The following SERPINI1 variants were observed in gnomAD, a reference collection of about 807,000 sequenced individuals.
The protein encoded by SERPINI1 is serpin family I member 1.
In SERPINI1, 19 loss-of-function variants were observed where a neutral mutation model predicts 41.1. The ratio of observed to expected loss-of-function variants is 0.46; its 90% CI spans 0.32 to 0.68. The LOEUF is 0.68. Ranked by LOEUF, SERPINI1 falls within the 30% of genes least tolerant of loss-of-function variation. SERPINI1 has a pLI of 0.03. For missense variants in SERPINI1, 460 were observed against 479.2 expected, an observed-to-expected ratio of 0.96 and a Z score of 0.37; for synonymous variants, 138 against 156.6, an observed-to-expected ratio of 0.88 and a Z score of 0.89.
intron 1 of SERPINI1, among the ~76,000 whole-genome samples, chr3:167,749,844 A>C (rs1293670781): frequency 1.3e-5 from 2 of 152,216 alleles, no homozygotes; most frequent in Non-Finnish European, 2.9e-5. Flanking sequence ...AGAGGGGAAA[A>C]AAGCTAAGAA....
At chr3:167,786,473 A>C (rs1727314474) in intron 1 of SERPINI1, among the ~76,000 whole-genome samples, 1 of 145,256 alleles carries the variant, frequency 6.9e-6, no homozygotes, top group Admixed American at 7.3e-5. Context: ...GCACCACTGC[A>C]CTCCAGCCTG....
Position 167,753,590 on chromosome 3 carries a change from G to C in SERPINI1, c.-19+17767G>C, listed in dbSNP as rs572241804. 2.0e-5 allele frequency among the ~76,000 whole-genome samples: 3 copies of C among 152,176 alleles called. No homozygotes were observed. The East Asian group carries it at 5.8e-4, about 29-fold the overall frequency. ...TTGGGGGTGGGGAGCAGTGAGGTGGGTATCTTAAACTTACCCCTGTGGCCT... is the reference window on the plus strand; with the variant it reads ...TTGGGGGTGGGGAGCAGTGAGGTGGCTATCTTAAACTTACCCCTGTGGCCT... On this transcript the variant is annotated intron_variant, in intron 1 of 8. Coordinates refer to ENST00000446050, the MANE Select transcript of SERPINI1 (RefSeq NM_001122752.2).
At chr3:167,761,498 G>A (rs1577404151) in intron 1 of SERPINI1, among the ~76,000 whole-genome samples, 1 of 152,214 alleles carries the variant, frequency 6.6e-6, no homozygotes, top group South Asian at 2.1e-4. Flanking sequence ...GACTTGTGTA[G>A]GCTCATTCTA....
At chr3:167,769,247 C>A (rs1207294848) in intron 1 of SERPINI1, among the ~76,000 whole-genome samples, 2 of 152,132 alleles carry the variant, frequency 1.3e-5, no homozygotes, top group Non-Finnish European at 2.9e-5. Context: ...CCGCCTTGGC[C>A]TCTCAAAGTG....
intron 1 of SERPINI1, among the ~76,000 whole-genome samples, chr3:167,748,990 T>C (rs1725956788): frequency 6.6e-6 from 1 of 152,120 alleles, no homozygotes; most frequent in Admixed American, 6.6e-5. Context: ...AGAATAATTG[T>C]AATAATTCAA....
intron 6 of SERPINI1, among the ~76,000 whole-genome samples, chr3:167,808,401 A>T (rs1298915558): frequency 2.0e-5 from 3 of 152,070 alleles, no homozygotes; most frequent in African/African-American, 7.2e-5. Context: ...CAAAAAGGCA[A>T]CAATGAACTT....
chr3:167,801,486 A>G (rs1401664025), intron 5 of SERPINI1, among the ~76,000 whole-genome samples: 1 of 152,108 alleles, frequency 6.6e-6, no homozygotes, highest in Admixed American at 6.6e-5. Flanking sequence ...CGGGGGCTTT[A>G]CTGTCAGAAA....
chr3:167,748,150 A>C (rs534939123), intron 1 of SERPINI1, among the ~76,000 whole-genome samples: 5 of 152,260 alleles, frequency 3.3e-5, no homozygotes, highest in African/African-American at 1.2e-4. Flanking sequence ...CTAAACAAAT[A>C]TATTGCAGTT....
intron 1 of SERPINI1, among the ~76,000 whole-genome samples, chr3:167,748,421 G>A (rs1271035094): frequency 6.6e-6 from 1 of 152,172 alleles, no homozygotes; most frequent in Admixed American, 6.5e-5. Context: ...GTAATGCATA[G>A]TGAAGACTGA....
chr3:167,823,855 T>C (rs138713834), intron 7 of SERPINI1, among the ~76,000 whole-genome samples: 151 of 152,330 alleles, frequency 9.9e-4, no homozygotes, highest in African/African-American at 3.4e-3. Flanking sequence ...GGACTTTCTT[T>C]TGACAATTAA....
chr3:167,798,356 TAGGG>T (rs1169626559), intron 5 of SERPINI1, among the ~76,000 whole-genome samples: 1 of 152,170 alleles, frequency 6.6e-6, no homozygotes, highest in Non-Finnish European at 1.5e-5. Context: ...AATGCATAGA[TAGGG>T]AGGCTAAATA....
Position 167,807,256 on chromosome 3 carries a change from A to G in SERPINI1, c.894A>G (p.Glu298=). The change falls in exon 6 of 9, where the codon GAA becomes GAG. Residue 298 remains glutamate (E), a synonymous_variant. Transcript: ENST00000446050. ...ATGTGTTCTCCAGGTTCACAGTGGA[A>G]CAGGAAATTGATTTAAAAGATGTTT... ...VEVYLPRFTV[E]QEIDLKDVLK... The G allele has an allele frequency of 1.2e-6, 2 of 1,611,032 alleles. No homozygotes were observed. The highest frequency in any genetic ancestry group is 4.5e-5 in the East Asian group (2 of 44,710).
intron 4 of SERPINI1, among the ~76,000 whole-genome samples, chr3:167,793,114 C>T (rs931914666): frequency 1.3e-5 from 2 of 152,172 alleles, no homozygotes; most frequent in East Asian, 1.9e-4. Flanking sequence ...ATATGTTCCA[C>T]GAAGCACTTG....
At chr3:167,812,267 A>G (rs11920752) in intron 6 of SERPINI1, among the ~76,000 whole-genome samples, 123,695 of 152,156 alleles carry the variant, frequency 0.81, 50,507 homozygotes, top group East Asian at 0.97. Flanking sequence ...GTTCAAAGCC[A>G]GCCTTCAGTC....
At chr3:167,770,642 TA>T (rs1342081475) in intron 1 of SERPINI1, among the ~76,000 whole-genome samples, 1 of 152,190 alleles carries the variant, frequency 6.6e-6, no homozygotes, top group African/African-American at 2.4e-5. Flanking sequence ...ATCTTTTCAA[TA>T]TTGCATATTC....
intron 1 of SERPINI1, among the ~76,000 whole-genome samples, chr3:167,747,636 T>C (rs1007667147): frequency 1.1e-4 from 17 of 148,378 alleles, no homozygotes; most frequent in African/African-American, 4.0e-4. Flanking sequence ...AGAGCGAGAC[T>C]ACGTCTCAAA....
chr3:167,802,984 G>A (rs1410749690), intron 5 of SERPINI1, among the ~76,000 whole-genome samples: 2 of 151,664 alleles, frequency 1.3e-5, no homozygotes, highest in Non-Finnish European at 2.9e-5. Context: ...GTAGGGACAT[G>A]GATGAAATTG....
intron 1 of SERPINI1, among the ~76,000 whole-genome samples, chr3:167,778,147 C>A (rs1727018657): frequency 6.6e-6 from 1 of 152,144 alleles, no homozygotes; most frequent in Admixed American, 6.5e-5. Context: ...CAGACTAAGA[C>A]AACTTGTTAG....
chr3:167,772,411 A>G (rs572493820), intron 1 of SERPINI1, among the ~76,000 whole-genome samples: 3 of 152,288 alleles, frequency 2.0e-5, no homozygotes, highest in African/African-American at 7.2e-5. Flanking sequence ...CGTACATCCC[A>G]ACCTATTTGG....
Sources: gnomAD v4.1 joint callset for allele counts (sites outside exome capture counted in the v4.1 genomes callset) on GRCh38, gnomAD v4.1.1 for gene constraint, MANE v1.5 for transcripts, NCBI Gene and HGNC (gene_info 2026-07-23, HGNC 2026-07-21) for gene names.